Variants in SYNJ1 observed in about 807,000 individuals in gnomAD.
The protein encoded by SYNJ1 is polyphosphatidylinositol phosphatase SYNJ1.
In SYNJ1, 78 loss-of-function variants were observed where a neutral mutation model predicts 168.2. That is an observed-to-expected ratio of 0.46 (90% CI 0.39 to 0.56). The LOEUF is 0.56. SYNJ1 is among the 20% of genes least tolerant of loss of function. The pLI, the probability that SYNJ1 is intolerant of heterozygous loss-of-function variation, is 0.00. For missense variants in SYNJ1, 1,303 were observed against 1,597.6 expected, an observed-to-expected ratio of 0.82 and a Z score of 3.14; for synonymous variants, 539 against 548.6, an observed-to-expected ratio of 0.98 and a Z score of 0.24.
At chr21:32,635,511 C>T (rs2039528043) in intron 31 of SYNJ1, among the ~76,000 whole-genome samples, 1 of 152,154 alleles carries the variant, frequency 6.6e-6, no homozygotes, top group East Asian at 1.9e-4. Context: ...AGACTTCCAG[C>T]CTCCAAAACT....
Position 32,629,837 on chromosome 21 carries a change from C to CA in SYNJ1, c.*1967dup, listed in dbSNP as rs1023507092. 2.0e-5 allele frequency: 3 copies of CA among 152,520 alleles called. No individual in the cohort carries two copies. The highest frequency in any genetic ancestry group is 7.2e-5 in the African/African-American group (3 of 41,430). 9.4% of individuals were successfully genotyped at this position (152,520 alleles called of 1,614,324 possible). On this transcript the variant is annotated 3_prime_UTR_variant, in exon 33 of 33. Coordinates refer to ENST00000674351, the MANE Select transcript of SYNJ1 (RefSeq NM_203446.3). ...AGTTGCATATTGGCAGTGCAGGAGA[C>CA]AAAATCCGCAGCTACTTTGAGGTAT...
At chr21:32,664,323 CT>C (rs2040835917) in intron 18 of SYNJ1, among the ~76,000 whole-genome samples, 1 of 152,186 alleles carries the variant, frequency 6.6e-6, no homozygotes, top group Non-Finnish European at 1.5e-5. Flanking sequence ...GAGACCACCC[CT>C]CATATTGTCT....
chr21:32,708,664 A>G (rs1469988564), intron 2 of SYNJ1, among the ~76,000 whole-genome samples: 2 of 152,204 alleles, frequency 1.3e-5, no homozygotes, highest in Non-Finnish European at 2.9e-5. Context: ...AGGAATAAAT[A>G]GTACCTAACT....
chr21:32,670,298 C>T lies in SYNJ1; in HGVS notation c.1801G>A (p.Val601Met), dbSNP rs1569071135. ...ATGTGGCTAGCTTACCTTGCACTCA[C>T]AATGTTTCCAGCATTCAATTCTACC... Reference protein sequence around the residue: ...EMVELNAGNIVSASTTNQKLW... With the variant: ...EMVELNAGNIMSASTTNQKLW... The change falls in exon 15 of 33, where the codon GTG (valine) becomes ATG (methionine). Residue 601 changes from valine to methionine, a missense_variant. Val to Met is a conservative substitution (Grantham distance 21). This residue lies in a region of SYNJ1 where 920 missense variants were observed against 1,208.8 expected (regional missense o/e 0.76). Coordinates refer to ENST00000674351, the MANE Select transcript of SYNJ1 (RefSeq NM_203446.3). 6.2e-7 allele frequency: 1 copy of T among 1,613,322 alleles called. No individual in the cohort carries two copies.
At chr21:32,652,343 G>T (rs942052191) in intron 22 of SYNJ1, among the ~76,000 whole-genome samples, 1 of 152,034 alleles carries the variant, frequency 6.6e-6, no homozygotes, top group East Asian at 1.9e-4. Flanking sequence ...TGGGATTACA[G>T]GCGCCCACCA....
In SYNJ1 at chr21:32,665,945, T is replaced by C. The variant is rs540251156; in HGVS notation, c.2143A>G (p.Met715Val). 6 of 1,605,310 alleles carry C rather than the reference T, an allele frequency of 3.7e-6. No individual in the cohort carries two copies. Among genetic ancestry groups the C allele is most frequent in the South Asian group, 3.3e-5 (3 of 89,780 alleles). Residue 715 changes from methionine to valine, a missense_variant and splice_region_variant, in exon 17 of 33, where the codon ATG (methionine) becomes GTG (valine). Coordinates refer to ENST00000674351, the MANE Select transcript of SYNJ1 (RefSeq NM_203446.3). ...IEIARKLSFP[M>V]GRMLFSHDYV... is the part of the protein sequence containing the mutation. ...AAGAACAAGCAGCAAGAGCTTACCA[T>C]AGGAAAACTCAATTTTCGTGCTATT... is the stretch of plus-strand genomic sequence containing the variant.
At chr21:32,706,204 G>T (rs561531197) in intron 2 of SYNJ1, among the ~76,000 whole-genome samples, 1 of 152,128 alleles carries the variant, frequency 6.6e-6, no homozygotes, top group Non-Finnish European at 1.5e-5. Flanking sequence ...GGCCACAAAT[G>T]TCACAGATCG....
rs2042132696 is a variant in SYNJ1 at position 32,694,416 on chromosome 21, A to G, written c.706-105T>C. 5.0e-6 allele frequency: 4 copies of G among 797,912 alleles called. No homozygotes were observed. The East Asian group carries it at 1.3e-4, about 26-fold the overall frequency. The allele number at this position is 797,912 out of a possible 1,614,324, so 49.4% of individuals were successfully genotyped here. A position where few individuals can be genotyped will look rare whatever the true frequency, so the allele number is the denominator to read the frequency against. On this transcript the variant is annotated intron_variant, in intron 5 of 32. Coordinates refer to ENST00000674351, the MANE Select transcript of SYNJ1 (RefSeq NM_203446.3). ...ATCTATTGCATACTAGTTACATTTT[A>G]TGATCTAACTCTCATATACAATTGT...
intron 2 of SYNJ1, among the ~76,000 whole-genome samples, chr21:32,725,484 C>T (rs1326628539): frequency 1.3e-5 from 2 of 152,168 alleles, no homozygotes; most frequent in African/African-American, 4.8e-5. Context: ...AGAGCCCCTT[C>T]TCCTTCATTC....
At chr21:32,693,728 C>A (rs1360450745) in intron 6 of SYNJ1, among the ~76,000 whole-genome samples, 1 of 152,112 alleles carries the variant, frequency 6.6e-6, no homozygotes, top group African/African-American at 2.4e-5. Context: ...CTTACAACAA[C>A]CCTATAAAGT....
intron 12 of SYNJ1, among the ~76,000 whole-genome samples, chr21:32,677,402 CTG>C (rs2041454607): frequency 6.6e-6 from 1 of 152,110 alleles, no homozygotes; most frequent in African/African-American, 2.4e-5. Context: ...GCAGAACTGA[CTG>C]TACTTTTTTT....
rs1289257780 is a variant in SYNJ1, at chr21:32,644,312, C to T, written c.3430+656G>A. Among the ~76,000 whole-genome samples the T allele has an allele frequency of 2.6e-5, 4 of 152,212 alleles. No homozygotes were observed. In the East Asian group the frequency reaches 5.8e-4, roughly 22 times the overall value. The stretch of plus-strand genomic sequence containing the variant: ...GCAGTCATTAAGATCTACACACAGG[C>T]AAAGTCAGTCTGTAGTAAGACCTGA... On this transcript the variant is annotated intron_variant, in intron 26 of 32. Coordinates refer to ENST00000674351, the MANE Select transcript of SYNJ1 (RefSeq NM_203446.3).
chr21:32,727,069 A>T, intron 1 of SYNJ1, 152 bp from the exon 2 acceptor site: 2 of 1,000,494 alleles, frequency 2.0e-6, no homozygotes. Context: ...GGCTTTTTCC[A>T]AAAGATAAGT....
At chr21:32,683,971 A>G in intron 10 of SYNJ1, 67 bp downstream of exon 10, 1 of 1,313,198 alleles carries the variant, frequency 7.6e-7, no homozygotes, top group Non-Finnish European at 1.1e-6. Context: ...TAAGAAACAT[A>G]AGTATTCAAA....
At chr21:32,709,299 A>G (rs2042730092) in intron 2 of SYNJ1, among the ~76,000 whole-genome samples, 1 of 151,978 alleles carries the variant, frequency 6.6e-6, no homozygotes, top group South Asian at 2.1e-4. Context: ...CAGCATGGTG[A>G]AACCCTGTCT....
At chr21:32,665,794 G>C (rs1175150127) in intron 17 of SYNJ1, 149 bp downstream of exon 17, 9 of 832,008 alleles carry the variant, frequency 1.1e-5, no homozygotes, top group Non-Finnish European at 1.2e-5. Context: ...AGATATTTTG[G>C]GTTAATACTC....
chr21:32,639,228 C>A, intron 30 of SYNJ1, 103 bp from the exon 31 acceptor site: 2 of 1,050,032 alleles, frequency 1.9e-6, no homozygotes, highest in South Asian at 1.7e-5. Context: ...ATTTCTTCCC[C>A]CAATAAGTAG....
chr21:32,665,985 A>C lies in SYNJ1; in HGVS notation c.2103T>G (p.Asn701Lys). ...AAGQSQVKER[N>K]EDFIEIARKL... The stretch of plus-strand genomic sequence containing the variant: ...TTCGTGCTATTTCTATAAAATCTTC[A>C]TTTCTTTCTTTGACTTGTGACTGCC... The change falls in exon 17 of 33, where the codon AAT becomes AAG. Residue 701 changes from asparagine to lysine, a missense_variant. By Grantham distance (94) the Asn-to-Lys change is moderately conservative. Transcript: ENST00000674351. 2 of 1,612,746 alleles carry C rather than the reference A, an allele frequency of 1.2e-6. No individual in the cohort carries two copies. Among genetic ancestry groups the C allele is most frequent in the Non-Finnish European group, 1.7e-6 (2 of 1,179,580 alleles).
chr21:32,668,845 T>C, intron 15 of SYNJ1, among the ~76,000 whole-genome samples: 1 of 152,240 alleles, frequency 6.6e-6, no homozygotes, highest in Non-Finnish European at 1.5e-5. Context: ...TTCATCATAC[T>C]ATTAAGACAT....
Sources: gnomAD v4.1 joint callset for allele counts (sites outside exome capture counted in the v4.1 genomes callset) on GRCh38, gnomAD v4.1.1 for gene constraint, gnomAD v4.1.1 regional missense constraint, MANE v1.5 for transcripts, NCBI Gene and HGNC (gene_info 2026-07-23, HGNC 2026-07-21) for gene names.